MRPL10: variants seen among roughly 807,000 people sequenced by gnomAD.
The protein encoded by MRPL10 is mitochondrial ribosomal protein L10.
In MRPL10, 14 loss-of-function variants were observed where a neutral mutation model predicts 19.8. The ratio of observed to expected loss-of-function variants is 0.71; its 90% confidence interval spans 0.47 to 1.11. The LOEUF (loss-of-function observed/expected upper bound fraction) is 1.11, where lower values mean the gene tolerates loss of function less well. MRPL10 is among the 50% of genes least tolerant of loss of function. MRPL10 has a pLI of 0.00. For missense variants in MRPL10, 318 were observed against 339.6 expected (o/e 0.94, Z 0.50); for synonymous variants, 129 against 139.2 (o/e 0.93, Z 0.52).
chr17:47,828,470 C>T (rs759449227), intron 2 of MRPL10, 31 bp downstream of exon 2: 1 of 1,384,744 alleles, frequency 7.2e-7, no homozygotes, highest in South Asian at 1.8e-5. Flanking sequence ...CATCCCACCA[C>T]CAAGTGACAT....
At position 47,827,134 on chromosome 17, in the gene MRPL10, A is replaced by G; in HGVS notation, c.293T>C (p.Val98Ala). 6.2e-7 allele frequency: 1 copy of G among 1,614,138 alleles called. No individual in the cohort carries two copies. Among genetic ancestry groups the G allele is most frequent in the Non-Finnish European group, 8.5e-7 (1 of 1,179,996 alleles). The change falls in exon 3 of 5, where the codon GTC becomes GCC. Residue 98 changes from valine (V) to alanine (A), a missense_variant. Val to Ala is a moderately conservative substitution (Grantham distance 64). Transcript: ENST00000351111. ...TGCACTCAGAGCCACATTCTGGCAG[A>G]CGGCTATCATTCGGTTGTCCTGGAA... Reference protein sequence around the residue: ...AVFQDNRMIAVCQNVALSAED... With the variant: ...AVFQDNRMIAACQNVALSAED...
rs374759891 is a variant in MRPL10, at chr17:47,827,083, T to C, written c.344A>G (p.Gln115Arg). The change falls in exon 3 of 5, where the codon CAG becomes CGG. Residue 115 changes from glutamine (Q) to arginine (R), a missense_variant. Coordinates refer to ENST00000351111, the MANE Select transcript of MRPL10 (RefSeq NM_145255.4). Reference protein sequence around the residue: ...SAEDKLLMRHQLRKHKILMKV... With the variant: ...SAEDKLLMRHRLRKHKILMKV... The stretch of plus-strand genomic sequence containing the variant: ...CATCAGGATCTTGTGTTTCCGCAGC[T>C]GGTGTCGCATAAGAAGCTTGTCCTC... 2.7e-5 allele frequency: 44 copies of C among 1,613,854 alleles called. No individual in the cohort carries two copies. The highest frequency in any genetic ancestry group is 3.7e-5 in the Non-Finnish European group (44 of 1,179,934).
intron 2 of MRPL10, chr17:47,828,232 C>A: frequency 3.4e-6 from 1 of 292,958 alleles, no homozygotes; most frequent in Non-Finnish European, 6.3e-6. Flanking sequence ...TGGAGAGATA[C>A]TCTCCCCAGC....
At position 47,826,801 on chromosome 17, in the gene MRPL10, A is replaced by G; in HGVS notation, c.388-20T>C. 1 of 1,614,044 alleles carries G rather than the reference A, an allele frequency of 6.2e-7. No homozygotes were observed. Among genetic ancestry groups the G allele is most frequent in the Middle Eastern group, 1.7e-4 (1 of 6,060 alleles). On this transcript the variant is annotated intron_variant, in intron 3 of 4. Coordinates refer to ENST00000351111, the MANE Select transcript of MRPL10 (RefSeq NM_145255.4). ...CAGGACCTGGGAACAGCAGGGAAAA[A>G]TGGCTTATCGGGGACAAGTGGGAGG...
rs189313312 is a variant in MRPL10, at chr17:47,825,555, G to A, written c.532+1082C>T. 4.7e-3 allele frequency among the ~76,000 whole-genome samples: 717 copies of A among 152,168 alleles called. 3 individuals carry two copies. The highest frequency in any genetic ancestry group is 7.8e-3 in the Non-Finnish European group (530 of 68,004). ...TGGGAGGATGGATTAAGCCAAGGAGGTCCAGGCTGCTGTGAGCCATGACCG... is the reference window on the plus strand; with the variant it reads ...TGGGAGGATGGATTAAGCCAAGGAGATCCAGGCTGCTGTGAGCCATGACCG... On this transcript the variant is annotated intron_variant, in intron 4 of 4. Transcript: ENST00000351111.
intron 3 of MRPL10, 43 bp downstream of exon 3, chr17:47,826,997 G>T (rs373559054): frequency 4.5e-6 from 7 of 1,569,554 alleles, no homozygotes; most frequent in Non-Finnish European, 6.1e-6. Flanking sequence ...TGGTGGGGGT[G>T]GGGGGAAGAT....
chr17:47,827,190 G>A lies in MRPL10; in HGVS notation c.237C>T (p.Ile79=). 6.2e-7 allele frequency: 1 copy of A among 1,610,164 alleles called. No individual in the cohort carries two copies. Among genetic ancestry groups the A allele is most frequent in the Non-Finnish European group, 8.5e-7 (1 of 1,178,004 alleles). The change falls in exon 3 of 5, where the codon ATC becomes ATT. Residue 79 remains isoleucine (I), a synonymous_variant. Coordinates refer to ENST00000351111, the MANE Select transcript of MRPL10 (RefSeq NM_145255.4). ...CTGCTATCTCCCGGCGGAGAAGCCTGATGAGGCCTATCTCCTGAAGTTGGA... is the reference window on the plus strand; with the variant it reads ...CTGCTATCTCCCGGCGGAGAAGCCTAATGAGGCCTATCTCCTGAAGTTGGA... ...PSPPQEEIGL[I]RLLRREIAAV...
In MRPL10 at chr17:47,827,338, T is replaced by G. The variant is rs2033551098; in HGVS notation, c.223-134A>C. On this transcript the variant is annotated intron_variant, in intron 2 of 4. Transcript: ENST00000351111. ...AAGATCGGGGAACAAGTAGGATAAC[T>G]GGGCCTCTGACTCTCAGAGACATGT... The G allele has an allele frequency of 7.4e-6, 5 of 677,588 alleles. No homozygotes were observed. In the East Asian group the frequency reaches 1.4e-4, roughly 19 times the overall value. 42.0% of individuals were successfully genotyped at this position (677,588 alleles called of 1,614,324 possible). A position where few individuals can be genotyped will look rare whatever the true frequency, so the allele number is the denominator to read the frequency against.
intron 1 of MRPL10, 145 bp downstream of exon 1, chr17:47,831,315 C>A: frequency 6.5e-7 from 1 of 1,531,434 alleles, no homozygotes; most frequent in South Asian, 1.2e-5. Context: ...GATTACCAGT[C>A]GAGTCACAAG....
chr17:47,824,569 T>C, intron 4 of MRPL10, 111 bp from the exon 5 acceptor site: 1 of 1,334,034 alleles, frequency 7.5e-7, no homozygotes, highest in Non-Finnish European at 9.9e-7. Context: ...AATCCTGCCT[T>C]CCCCAGGACC....
intron 4 of MRPL10, among the ~76,000 whole-genome samples, chr17:47,825,137 T>C (rs1282171271): frequency 6.6e-6 from 1 of 150,898 alleles, no homozygotes; most frequent in Non-Finnish European, 1.5e-5. Flanking sequence ...GAGATCAACC[T>C]GGCCAACATG....
At chr17:47,831,325 G>T in intron 1 of MRPL10, 135 bp downstream of exon 1, 1 of 1,534,648 alleles carries the variant, frequency 6.5e-7, no homozygotes, top group South Asian at 1.2e-5. Context: ...CGAGTCACAA[G>T]GAACTGGACG....
chr17:47,826,279 A>C (rs1231661369), intron 4 of MRPL10, among the ~76,000 whole-genome samples: 1 of 151,642 alleles, frequency 6.6e-6, no homozygotes, highest in African/African-American at 2.4e-5. Flanking sequence ...GGAGTCTGGG[A>C]AACACTGGTC....
At chr17:47,825,453 T>C (rs897103172) in intron 4 of MRPL10, among the ~76,000 whole-genome samples, 4 of 151,998 alleles carry the variant, frequency 2.6e-5, no homozygotes, top group Non-Finnish European at 4.4e-5. Flanking sequence ...ACATGGTGAA[T>C]ACAAATACAA....
rs995444028 is a variant in MRPL10, at chr17:47,823,684, C to T, written c.*521G>A. 2.4e-5 allele frequency: 4 copies of T among 163,746 alleles called. No homozygotes were observed. The highest frequency in any genetic ancestry group is 9.6e-5 in the African/African-American group (4 of 41,504). The allele number at this position is 163,746 out of a possible 1,614,324, so 10.1% of individuals were successfully genotyped here. On this transcript the variant is annotated 3_prime_UTR_variant, in exon 5 of 5. Transcript: ENST00000351111. Reference sequence around the variant, plus strand: ...CACTTACTAACTGCATGACCTTGAGCAAGCCACTTAATTTCTCTGCTCCTT... The same window carrying T: ...CACTTACTAACTGCATGACCTTGAGTAAGCCACTTAATTTCTCTGCTCCTT...
intron 4 of MRPL10, among the ~76,000 whole-genome samples, chr17:47,824,813 A>G (rs2033503254): frequency 6.6e-6 from 1 of 151,968 alleles, no homozygotes; most frequent in African/African-American, 2.4e-5. Flanking sequence ...CAGGAGTTCA[A>G]GACCAGCCTG....
At chr17:47,826,822 G>A (rs1249058734) in intron 3 of MRPL10, 41 bp from the exon 4 acceptor site, 4 of 1,612,840 alleles carry the variant, frequency 2.5e-6, no homozygotes, top group Admixed American at 1.7e-5. Flanking sequence ...GGGACAAGTG[G>A]GAGGAAGAGC....
At position 47,828,486 on chromosome 17, in the gene MRPL10, C is replaced by T. The variant is rs114389544; in HGVS notation, c.222+15G>A. 529 of 1,402,310 alleles carry T rather than the reference C, an allele frequency of 3.8e-4. 2 individuals carry two copies. In the African/African-American group the frequency reaches 6.8e-3, roughly 18 times the overall value. The allele number at this position is 1,402,310 out of a possible 1,614,324, so 86.9% of individuals were successfully genotyped here. Reference sequence around the variant, plus strand: ...ATCCCACCACCAAGTGACATGTACCCAAATTCCTCCTTACCTCCTGTGGGG... The same window carrying T: ...ATCCCACCACCAAGTGACATGTACCTAAATTCCTCCTTACCTCCTGTGGGG... On this transcript the variant is annotated intron_variant, in intron 2 of 4. Coordinates refer to ENST00000351111, the MANE Select transcript of MRPL10 (RefSeq NM_145255.4).
chr17:47,825,014 CAAAAAAAA>C (rs5820672), intron 4 of MRPL10, among the ~76,000 whole-genome samples: 1 of 75,598 alleles, frequency 1.3e-5, no homozygotes, highest in East Asian at 5.8e-4. Flanking sequence ...AACTTCGTCT[CAAAAAAAA>C]AAAAAAAAAA....
Sources: gnomAD v4.1 joint callset for allele counts (sites outside exome capture counted in the v4.1 genomes callset) on GRCh38, gnomAD v4.1.1 for gene constraint, MANE v1.5 for transcripts, NCBI Gene and HGNC (gene_info 2026-07-23, HGNC 2026-07-21) for gene names.